The following DNAH8 variants were observed in gnomAD, a reference collection of about 807,000 sequenced individuals.
DNAH8 encodes the protein dynein axonemal heavy chain 8, also known as axonemal beta dynein heavy chain 8.
In DNAH8, 382 loss-of-function variants were observed where a neutral mutation model predicts 562.1. The ratio of observed to expected loss-of-function variants is 0.68; its 90% CI spans 0.63 to 0.74. The LOEUF (loss-of-function observed/expected upper bound fraction) is 0.74, where lower values mean the gene tolerates loss of function less well. Ranked by LOEUF, DNAH8 falls within the 30% of genes least tolerant of loss-of-function variation. The pLI is 0.00. For synonymous variants in DNAH8, 1,881 were observed against 1,919.4 expected (o/e 0.98, Z 0.52); for missense variants, 5,203 against 5,620.4 (o/e 0.93, Z 2.37).
rs181156919 is a variant in DNAH8 at position 38,973,826 on chromosome 6, A to G, written c.12678+13A>G. ...TACATTGCTTCAGGTTTGTTACTAA[A>G]CGTCTTTTCATCGAGAGTCATAGTA... On this transcript the variant is annotated intron_variant, in intron 84 of 92. Coordinates refer to ENST00000327475, the MANE Select transcript of DNAH8 (RefSeq NM_001206927.2). 3,129 of 1,584,542 alleles carry G rather than the reference A, an allele frequency of 2.0e-3. 9 individuals are homozygous for G. Among genetic ancestry groups the G allele is most frequent in the Non-Finnish European group, 2.5e-3 (2,913 of 1,167,496 alleles).
intron 1 of DNAH8, among the ~76,000 whole-genome samples, chr6:38,716,063 A>G (rs1314709748): frequency 6.8e-6 from 1 of 146,536 alleles, no homozygotes; most frequent in Non-Finnish European, 1.5e-5. Flanking sequence ...GGTTCAAGCC[A>G]TTCTCCTGCC....
At chr6:39,019,643 A>G (rs1766775359) in intron 91 of DNAH8, among the ~76,000 whole-genome samples, 1 of 152,160 alleles carries the variant, frequency 6.6e-6, no homozygotes, top group Non-Finnish European at 1.5e-5. Flanking sequence ...GCAAGAGATG[A>G]AAAGGATGGA....
intron 62 of DNAH8, among the ~76,000 whole-genome samples, chr6:38,904,984 G>A (rs74894283): frequency 0.026 from 4,023 of 152,184 alleles, 112 homozygotes; most frequent in East Asian, 0.14. Context: ...ATCTGGACAA[G>A]GGGTGTGTTG....
intron 75 of DNAH8, 63 bp downstream of exon 75, chr6:38,929,729 A>C: frequency 1.4e-6 from 2 of 1,387,824 alleles, no homozygotes; most frequent in Non-Finnish European, 1.9e-6. Flanking sequence ...AAAAAGAAAA[A>C]AATTAAGAAA....
chr6:38,997,325 A>G (rs1765199328), intron 88 of DNAH8, among the ~76,000 whole-genome samples: 1 of 152,178 alleles, frequency 6.6e-6, no homozygotes, highest in Non-Finnish European at 1.5e-5. Flanking sequence ...GGAAGCAGTA[A>G]GCAATAACAG....
chr6:38,933,798 G>A (rs1336281285), intron 76 of DNAH8, among the ~76,000 whole-genome samples: 1 of 152,114 alleles, frequency 6.6e-6, no homozygotes, highest in Non-Finnish European at 1.5e-5. Flanking sequence ...CTAGTTACTG[G>A]CAGAGACCGG....
chr6:38,793,158 GTTAA>G (rs1434035095), intron 21 of DNAH8, among the ~76,000 whole-genome samples: 1 of 151,926 alleles, frequency 6.6e-6, no homozygotes, highest in Non-Finnish European at 1.5e-5. Flanking sequence ...CATTAAATTA[GTTAA>G]TTAATTTAGT....
chr6:38,930,483 T>A (rs1782473436), intron 75 of DNAH8, among the ~76,000 whole-genome samples: 1 of 152,174 alleles, frequency 6.6e-6, no homozygotes, highest in African/African-American at 2.4e-5. Context: ...TGCCGCATTT[T>A]AAAAAATTCA....
At chr6:38,849,223 T>A (rs941067169) in intron 37 of DNAH8, among the ~76,000 whole-genome samples, 3 of 152,200 alleles carry the variant, frequency 2.0e-5, no homozygotes, top group African/African-American at 7.2e-5. Flanking sequence ...TTATAGTAGT[T>A]CATGTCTTCT....
At chr6:38,992,383 A>G (rs1216340518) in intron 88 of DNAH8, among the ~76,000 whole-genome samples, 3 of 152,334 alleles carry the variant, frequency 2.0e-5, no homozygotes, top group Admixed American at 1.3e-4. Flanking sequence ...CCCTTGTGCT[A>G]TAGCAGTGCC....
intron 59 of DNAH8, 67 bp from the exon 60 acceptor site, chr6:38,895,966 A>C (rs1779648490): frequency 2.2e-6 from 3 of 1,368,934 alleles, no homozygotes; most frequent in Non-Finnish European, 3.1e-6. Flanking sequence ...GAAGAGGCGA[A>C]GGGACATGTT....
chr6:39,010,800 C>CGT (rs1561972908), intron 89 of DNAH8, among the ~76,000 whole-genome samples: 9 of 102,928 alleles, frequency 8.7e-5, no homozygotes, highest in African/African-American at 3.0e-4. Context: ...CGCACGTGTA[C>CGT]GCACACACAC....
In DNAH8 at chr6:38,845,677, G is replaced by A. The variant is rs139039516; in HGVS notation, c.4949G>A (p.Gly1650Glu). ...NQNLSFAAFKGKGELLLKGTE... is the reference protein window; with the variant it reads ...NQNLSFAAFKEKGELLLKGTE... ...AATCTGAGTTTTGCAGCATTTAAGGGAAAAGGAGAGCTCCTGCTCAAAGGA... is the reference window on the plus strand; with the variant it reads ...AATCTGAGTTTTGCAGCATTTAAGGAAAAAGGAGAGCTCCTGCTCAAAGGA... Residue 1650 changes from glycine to glutamate, a missense_variant, in exon 36 of 93, where the codon GGA becomes GAA. Physicochemically the swap from Gly to Glu is moderately conservative, Grantham distance 98. Around this residue, in one of 6 missense-constraint regions of DNAH8, gnomAD observed 2,176 missense variants for 2,365.1 expected, o/e 0.92. Transcript: ENST00000327475. The A allele has an allele frequency of 6.2e-7, 1 of 1,613,838 alleles. No homozygotes were observed. The highest frequency in any genetic ancestry group is 1.3e-5 in the African/African-American group (1 of 74,900).
intron 82 of DNAH8, among the ~76,000 whole-genome samples, chr6:38,965,180 A>C (rs1436517137): frequency 6.6e-6 from 1 of 151,938 alleles, no homozygotes; most frequent in Non-Finnish European, 1.5e-5. Context: ...CCTTGGAGTC[A>C]GATATGTTTC....
intron 47 of DNAH8, among the ~76,000 whole-genome samples, chr6:38,867,355 A>C (rs915271838): frequency 2.6e-5 from 4 of 151,852 alleles, no homozygotes; most frequent in Non-Finnish European, 5.9e-5. Flanking sequence ...CAAATCCCTA[A>C]CCCATTAACC....
chr6:38,915,354 G>A lies in DNAH8; in HGVS notation c.10117G>A (p.Glu3373Lys), dbSNP rs1583341973. 6.3e-7 allele frequency: 1 copy of A among 1,597,700 alleles called. No individual in the cohort carries two copies. Among genetic ancestry groups the A allele is most frequent in the Non-Finnish European group, 8.5e-7 (1 of 1,174,448 alleles). ...GCTTGAGGCAGCTAAACCTGCACTG[G>A]AAGAAGCAGAAGCAGCCCTGAATGT... ...SKLEAAKPAL[E>K]EAEAALNTIK... The change falls in exon 68 of 93, where the codon GAA (glutamate) becomes AAA (lysine). Residue 3373 changes from glutamate to lysine, a missense_variant. Glu to Lys is a moderately conservative substitution (Grantham distance 56). Coordinates refer to ENST00000327475, the MANE Select transcript of DNAH8 (RefSeq NM_001206927.2).
At chr6:39,008,237 T>G (rs939545433) in intron 88 of DNAH8, among the ~76,000 whole-genome samples, 1 of 152,060 alleles carries the variant, frequency 6.6e-6, no homozygotes, top group African/African-American at 2.4e-5. Flanking sequence ...TGGTAAATCT[T>G]TATTGAATAA....
Position 38,911,566 on chromosome 6 carries a change from AG to A in DNAH8, c.9841del (p.Ala3281LeufsTer4). 1 of 1,603,054 alleles carries A rather than the reference AG, an allele frequency of 6.2e-7. No individual in the cohort carries two copies. The highest frequency in any genetic ancestry group is 8.5e-7 in the Non-Finnish European group (1 of 1,169,926). On this transcript the variant is annotated frameshift_variant, in exon 66 of 93. Coordinates refer to ENST00000327475, the MANE Select transcript of DNAH8 (RefSeq NM_001206927.2). LOFTEE classifies it high-confidence loss of function. ...YAEKVKFINE[Q>X]AERMNIGLDK... ...GAAAAGGTGAAGTTCATTAATGAAC[AG>A]GCTGAACGTATGAATATTGGTAAGA...
intron 82 of DNAH8, among the ~76,000 whole-genome samples, chr6:38,958,737 T>C (rs1461534966): frequency 6.6e-6 from 1 of 152,042 alleles, no homozygotes; most frequent in East Asian, 1.9e-4. Context: ...TACCTATTCT[T>C]CTCAAATTAT....
Sources: allele counts gnomAD v4.1 joint callset (sites outside exome capture counted in the v4.1 genomes callset), GRCh38; gene constraint gnomAD v4.1.1; regional missense constraint gnomAD v4.1.1; transcripts MANE v1.5; gene names NCBI Gene and HGNC (gene_info 2026-07-23, HGNC 2026-07-21).